KCNIP1: variants seen among roughly 807,000 people sequenced by gnomAD.
KCNIP1 encodes the protein A-type potassium channel modulatory protein KCNIP1.
KCNIP1 carries 18 observed loss-of-function variants against 33.0 expected under a neutral mutation model. That is an observed-to-expected ratio of 0.55 (90% confidence interval 0.38 to 0.81). The LOEUF (loss-of-function observed/expected upper bound fraction) is 0.81. KCNIP1 is among the 30% of genes least tolerant of loss of function. The pLI is 0.00. For missense variants in KCNIP1, 238 were observed against 271.6 expected, an observed-to-expected ratio of 0.88 and a Z score of 0.87; for synonymous variants, 93 against 98.3, an observed-to-expected ratio of 0.95 and a Z score of 0.32.
At chr5:170,550,135 G>C (rs1756554694) in intron 1 of KCNIP1, among the ~76,000 whole-genome samples, 1 of 152,168 alleles carries the variant, frequency 6.6e-6, no homozygotes, top group Non-Finnish European at 1.5e-5. Flanking sequence ...AGGCCCCAGA[G>C]CTGGGAAGTT....
chr5:170,354,080 G>A lies in KCNIP1; in HGVS notation c.88+116G>A. The A allele has an allele frequency of 4.1e-6, 4 of 972,772 alleles. No homozygotes were observed. In the South Asian group the frequency reaches 4.2e-5, roughly 10 times the overall value. 60.3% of individuals were successfully genotyped at this position (972,772 alleles called of 1,614,324 possible). A position where few individuals can be genotyped will look rare whatever the true frequency, so the allele number is the denominator to read the frequency against. The stretch of plus-strand genomic sequence containing the variant: ...GCACCCAGGTCTTGGAAAAAGCTGG[G>A]GAAATTGGTGGCTGGGATTCGAGGT... On this transcript the variant is annotated intron_variant, in intron 1 of 7. Transcript: ENST00000377360.
chr5:170,660,506 T>C (rs1352522172), intron 1 of KCNIP1, among the ~76,000 whole-genome samples: 1 of 152,222 alleles, frequency 6.6e-6, no homozygotes, highest in African/African-American at 2.4e-5. Context: ...TTTGTTCCTA[T>C]GTCCTTCTCT....
chr5:170,587,563 T>G (rs1175144816), intron 1 of KCNIP1, among the ~76,000 whole-genome samples: 1 of 151,662 alleles, frequency 6.6e-6, no homozygotes, highest in Non-Finnish European at 1.5e-5. Flanking sequence ...CAGGGGAAAG[T>G]GTTTCCTTGC....
At chr5:170,604,945 G>C (rs887015107) in intron 1 of KCNIP1, among the ~76,000 whole-genome samples, 19 of 152,236 alleles carry the variant, frequency 1.2e-4, no homozygotes, top group African/African-American at 4.6e-4. Context: ...TTCCTGAGCA[G>C]ACTTGGTTCT....
chr5:170,611,486 G>T (rs771101065), intron 1 of KCNIP1, among the ~76,000 whole-genome samples: 5 of 152,210 alleles, frequency 3.3e-5, no homozygotes, highest in Non-Finnish European at 7.3e-5. Flanking sequence ...ATTAGAGCAG[G>T]AAAAGGTCAG....
chr5:170,577,005 G>A (rs1039000575), intron 1 of KCNIP1, among the ~76,000 whole-genome samples: 2 of 152,170 alleles, frequency 1.3e-5, no homozygotes, highest in Non-Finnish European at 2.9e-5. Flanking sequence ...CTCTATGGGT[G>A]GGGGAAATCT....
chr5:170,411,560 A>C (rs1341847570), intron 1 of KCNIP1, among the ~76,000 whole-genome samples: 1 of 152,196 alleles, frequency 6.6e-6, no homozygotes, highest in Non-Finnish European at 1.5e-5. Flanking sequence ...CCTAAAGGAA[A>C]GGTCTTAAAT....
At chr5:170,499,599 C>T (rs1231344569), upstream of KCNIP1, among the ~76,000 whole-genome samples, 1 of 152,228 alleles carries the variant, frequency 6.6e-6, no homozygotes. Context: ...CAATCTGACT[C>T]TATGCTACCT....
chr5:170,459,485 C>A (rs1191013304), intron 1 of KCNIP1, among the ~76,000 whole-genome samples: 1 of 152,132 alleles, frequency 6.6e-6, no homozygotes, highest in African/African-American at 2.4e-5. Context: ...GAAATTATAT[C>A]AAGCACTCTG....
intron 1 of KCNIP1, among the ~76,000 whole-genome samples, chr5:170,595,187 G>A (rs565694297): frequency 3.3e-5 from 5 of 152,230 alleles, no homozygotes; most frequent in Admixed American, 3.3e-4. Context: ...TTGGGGACTG[G>A]GGGTGAGGAG....
At chr5:170,456,390 T>C (rs1002515870) in intron 1 of KCNIP1, among the ~76,000 whole-genome samples, 2 of 152,040 alleles carry the variant, frequency 1.3e-5, no homozygotes, top group African/African-American at 2.4e-5. Context: ...GACAGGTTGA[T>C]AGGTGCAGCA....
intron 1 of KCNIP1, among the ~76,000 whole-genome samples, chr5:170,372,500 T>A (rs7724416): frequency 1.6e-4 from 24 of 151,992 alleles, no homozygotes; most frequent in Admixed American, 4.6e-4. Flanking sequence ...AGGTTCTAAC[T>A]CTCTAATCAT....
intron 1 of KCNIP1, among the ~76,000 whole-genome samples, chr5:170,447,176 T>C (rs1044602236): frequency 1.3e-5 from 2 of 152,132 alleles, no homozygotes; most frequent in African/African-American, 4.8e-5. Context: ...ATCTGCTGTA[T>C]GCCAGCTGGG....
intron 2 of KCNIP1, 132 bp downstream of exon 2, chr5:170,719,014 G>C (rs1375312880): frequency 7.8e-6 from 9 of 1,148,132 alleles, no homozygotes; most frequent in Non-Finnish European, 8.4e-6. Context: ...TCTATAAAGG[G>C]GGCATGAGAG....
chr5:170,573,886 T>A (rs1053067908), intron 1 of KCNIP1, among the ~76,000 whole-genome samples: 1 of 152,186 alleles, frequency 6.6e-6, no homozygotes, highest in Non-Finnish European at 1.5e-5. Flanking sequence ...TGCAATGTGA[T>A]GTTAGTGGCT....
chr5:170,586,370 A>AGAT (rs1370036278), intron 1 of KCNIP1, among the ~76,000 whole-genome samples: 1 of 152,202 alleles, frequency 6.6e-6, no homozygotes, highest in Non-Finnish European at 1.5e-5. Flanking sequence ...ATGATGATGA[A>AGAT]GATGCTGATG....
rs116583019 is a variant in KCNIP1 at position 170,557,385 on chromosome 5, G to A, written c.61+52752G>A. On this transcript the variant is annotated intron_variant, in intron 1 of 7. Transcript: ENST00000328939. ...TGCGAAGTCATCTCAAAGAGGTGTG[G>A]CCTGGAGAAGTGGTTCCAGTACCTC... Among the ~76,000 whole-genome samples the A allele has an allele frequency of 6.1e-3, 934 of 152,248 alleles. 15 individuals carry two copies. Among genetic ancestry groups the A allele is most frequent in the African/African-American group, 0.021 (874 of 41,536 alleles).
chr5:170,732,927 T>G, intron 6 of KCNIP1, 23 bp downstream of exon 6: 1 of 1,467,420 alleles, frequency 6.8e-7, no homozygotes, highest in Non-Finnish European at 9.6e-7. Flanking sequence ...ACCCTGCACA[T>G]GAGCTGTAAG....
At chr5:170,674,247 G>A (rs915603664) in intron 1 of KCNIP1, among the ~76,000 whole-genome samples, 1 of 151,448 alleles carries the variant, frequency 6.6e-6, no homozygotes, top group Non-Finnish European at 1.5e-5. Context: ...TACATCCACA[G>A]GTTTGATTAT....
Sources: gnomAD v4.1 joint callset for allele counts (sites outside exome capture counted in the v4.1 genomes callset) on GRCh38, gnomAD v4.1.1 for gene constraint, MANE v1.5 for transcripts, NCBI Gene and HGNC (gene_info 2026-07-23, HGNC 2026-07-21) for gene names.